The following ANKRD11 variants were observed in gnomAD, a reference collection of about 807,000 sequenced individuals.
ANKRD11 encodes ankyrin repeat domain 11, also known as ankyrin repeat domain-containing protein 11.
ANKRD11 carries 17 observed loss-of-function variants against 195.7 expected under a neutral mutation model. The observed-to-expected ratio is 0.09, with a 90% CI of 0.06 to 0.13. ANKRD11 has a LOEUF of 0.13. Ranked by LOEUF, ANKRD11 falls within the 10% of genes least tolerant of loss-of-function variation. The probability of loss-of-function intolerance (pLI) is 1.00; values close to 1 mark genes in which losing one functional copy is unlikely to be tolerated. For synonymous variants in ANKRD11, 1,953 were observed against 1,528.1 expected (o/e 1.28, Z -6.49); for missense variants, 3,735 against 3,566.1 (o/e 1.05, Z -1.21).
At position 89,282,575 on chromosome 16, in the gene ANKRD11, C is replaced by T; in HGVS notation, c.3967G>A (p.Val1323Ile). Residue 1323 changes from valine (V) to isoleucine (I), a missense_variant, in exon 9 of 13, where the codon GTC (valine) becomes ATC (isoleucine). Val to Ile is a conservative substitution (Grantham distance 29). Coordinates refer to ENST00000301030, the MANE Select transcript of ANKRD11 (RefSeq NM_013275.6). ...QEPGLTAFLE[V>I]SFTEPPGDDK... ...TCTCCAGGTGGCTCCGTGAAAGAGA[C>T]CTCCAGGAAGGCAGTCAGCCCCGGC... 1.2e-6 allele frequency: 2 copies of T among 1,614,148 alleles called. No individual in the cohort carries two copies. The highest frequency in any genetic ancestry group is 3.3e-4 in the Middle Eastern group (2 of 6,060).
At chr16:89,273,696 A>C (rs1310988649) in intron 11 of ANKRD11, among the ~76,000 whole-genome samples, 1 of 129,308 alleles carries the variant, frequency 7.7e-6, no homozygotes, top group Admixed American at 7.1e-5. Context: ...ACTCCGTCAC[A>C]AAAAAAAAAA....
At chr16:89,302,377 C>T (rs911779832) in intron 4 of ANKRD11, among the ~76,000 whole-genome samples, 3 of 152,146 alleles carry the variant, frequency 2.0e-5, no homozygotes, top group Admixed American at 1.3e-4. Context: ...CTCAGCCTCC[C>T]GAGTAGCTGG....
At chr16:89,406,000 C>T (rs2041891727) in intron 2 of ANKRD11, among the ~76,000 whole-genome samples, 1 of 151,586 alleles carries the variant, frequency 6.6e-6, no homozygotes, top group Non-Finnish European at 1.5e-5. Flanking sequence ...ATCTCGGCTA[C>T]TCAGGAGGCT....
chr16:89,274,008 G>A (rs372921182), intron 11 of ANKRD11, among the ~76,000 whole-genome samples: 11 of 152,306 alleles, frequency 7.2e-5, no homozygotes, highest in East Asian at 3.9e-4. Context: ...CAACCTGAGC[G>A]CAGTGGGCTC....
chr16:89,331,608 T>C (rs1178618464), intron 2 of ANKRD11, among the ~76,000 whole-genome samples: 2 of 152,012 alleles, frequency 1.3e-5, no homozygotes, highest in East Asian at 3.9e-4. Context: ...ACCCAGCGAT[T>C]CAGGAGATAG....
rs11328033 is a variant in ANKRD11 at position 89,363,481 on chromosome 16, TAA to T, written c.-59-46405_-59-46404del. ...CCTAAAAGTATAATAATAATAAAATTAAAAAAAAAAAAGATTCAGTCTTGCAA... is the reference window on the plus strand; with the variant it reads ...CCTAAAAGTATAATAATAATAAAATTAAAAAAAAAAGATTCAGTCTTGCAA... On this transcript the variant is annotated intron_variant, in intron 2 of 12. Transcript: ENST00000301030. Among the ~76,000 whole-genome samples, 331 of 148,074 alleles carry T rather than the reference TAA, an allele frequency of 2.2e-3. 2 individuals carry two copies. Among genetic ancestry groups the T allele is most frequent in the African/African-American group, 7.2e-3 (290 of 40,398 alleles).
At chr16:89,453,717 C>G (rs1054967668) in intron 1 of ANKRD11, among the ~76,000 whole-genome samples, 2 of 152,196 alleles carry the variant, frequency 1.3e-5, no homozygotes, top group Non-Finnish European at 2.9e-5. Flanking sequence ...GCTGAAGACA[C>G]AGCGGCAAAC....
chr16:89,272,642 C>T (rs552798290), intron 11 of ANKRD11: 1 of 152,266 alleles, frequency 6.6e-6, no homozygotes, highest in African/African-American at 2.4e-5. Flanking sequence ...TGCTCTCCAG[C>T]CTGGGTGACA....
At chr16:89,356,364 C>T (rs2039472845) in intron 2 of ANKRD11, among the ~76,000 whole-genome samples, 2 of 151,912 alleles carry the variant, frequency 1.3e-5, no homozygotes, top group African/African-American at 4.8e-5. Context: ...TGTGATCCAT[C>T]AGCCAACCCT....
In ANKRD11 at chr16:89,285,408, A is replaced by G. The variant is rs139014967; in HGVS notation, c.1134T>C (p.Asn378=). ...CCATTTTGGGTATAGAGATAAAACT[A>G]TTGGATTTCGTTTCTTTTCTGTAGT... ...KKDYRKETKS[N]SFISIPKMEV... is the part of the protein sequence containing the mutation. Residue 378 remains asparagine (N), a synonymous_variant, in exon 9 of 13, where the codon AAT becomes AAC. Coordinates refer to ENST00000301030, the MANE Select transcript of ANKRD11 (RefSeq NM_013275.6). This position sits in a 1 kb window ranked among gnomAD's most constrained non-coding sequence, Gnocchi z 5.6. 1.3e-5 allele frequency: 21 copies of G among 1,613,948 alleles called. No individual in the cohort carries two copies. In the African/African-American group the frequency reaches 2.8e-4, roughly 22 times the overall value.
chr16:89,402,595 T>C (rs1044564917), intron 2 of ANKRD11, among the ~76,000 whole-genome samples: 6 of 149,558 alleles, frequency 4.0e-5, no homozygotes, highest in Admixed American at 2.0e-4. Context: ...GGTGGGAGGA[T>C]TGGTTGAGCC....
chr16:89,413,493 C>T (rs2042176832), intron 2 of ANKRD11, among the ~76,000 whole-genome samples: 1 of 152,056 alleles, frequency 6.6e-6, no homozygotes, highest in Admixed American at 6.6e-5. Flanking sequence ...GGCGTGGTGG[C>T]GGGCACCTAT....
intron 2 of ANKRD11, among the ~76,000 whole-genome samples, chr16:89,332,632 T>A (rs920276896): frequency 3.3e-5 from 5 of 152,240 alleles, no homozygotes; most frequent in African/African-American, 1.2e-4. Context: ...ATCATCACTG[T>A]AATGGCTTTA....
At position 89,418,304 on chromosome 16, in the gene ANKRD11, A is replaced by G. The variant is rs891245426; in HGVS notation, c.-80T>C. On this transcript the variant is annotated 5_prime_UTR_variant, in exon 2 of 13. Transcript: ENST00000301030. ...TTTACCGATTCCATAGCTGAAAGTC[A>G]GTGCTGACGAGGACTGTCTTTTAAA... The G allele has an allele frequency of 1.1e-5, 5 of 453,990 alleles. No individual in the cohort carries two copies. Among genetic ancestry groups the G allele is most frequent in the African/African-American group, 1.0e-4 (5 of 50,024 alleles). 28.1% of individuals were successfully genotyped at this position (453,990 alleles called of 1,614,324 possible). A position where few individuals can be genotyped will look rare whatever the true frequency, so the allele number is the denominator to read the frequency against.
At chr16:89,454,045 T>C (rs2056317534) in intron 1 of ANKRD11, among the ~76,000 whole-genome samples, 2 of 152,172 alleles carry the variant, frequency 1.3e-5, no homozygotes, top group Non-Finnish European at 2.9e-5. Context: ...AGGTAGTACA[T>C]GTTTCACAAT....
intron 2 of ANKRD11, among the ~76,000 whole-genome samples, chr16:89,360,012 G>C (rs979214125): frequency 2.0e-5 from 3 of 152,008 alleles, no homozygotes; most frequent in African/African-American, 7.3e-5. Flanking sequence ...CCAGTACTAA[G>C]CCCAGTACCC....
At chr16:89,304,012 C>T (rs189308757) in intron 4 of ANKRD11, among the ~76,000 whole-genome samples, 3 of 152,352 alleles carry the variant, frequency 2.0e-5, no homozygotes, top group African/African-American at 2.4e-5. Context: ...AGCACTCTCC[C>T]GGTTCACTCC....
intron 2 of ANKRD11, among the ~76,000 whole-genome samples, chr16:89,391,164 C>A (rs1467707223): frequency 6.7e-6 from 1 of 149,100 alleles, no homozygotes; most frequent in Non-Finnish European, 1.5e-5. Flanking sequence ...GAAGGCGGAG[C>A]TTGCAGTGAG....
chr16:89,443,308 C>G (rs919122253), intron 1 of ANKRD11: 4 of 152,142 alleles, frequency 2.6e-5, no homozygotes, highest in African/African-American at 9.7e-5. Context: ...ACAGTCAAGG[C>G]AAGCATGGCA....
Sources: gnomAD v4.1 joint callset for allele counts (sites outside exome capture counted in the v4.1 genomes callset) on GRCh38, gnomAD v4.1.1 for gene constraint, Gnocchi (gnomAD v3.1) non-coding constraint, MANE v1.5 for transcripts, NCBI Gene and HGNC (gene_info 2026-07-23, HGNC 2026-07-21) for gene names.